Variants in MAP1LC3B observed in about 807,000 individuals in gnomAD.
The protein encoded by MAP1LC3B is microtubule associated protein 1 light chain 3 beta.
MAP1LC3B carries 12 observed loss-of-function variants against 16.7 expected under a neutral mutation model. That is an observed-to-expected ratio of 0.72 (90% CI 0.46 to 1.16). The LOEUF is 1.16. Among genes scored for constraint, MAP1LC3B ranks in the 50% most tolerant of loss-of-function variants. The pLI, the probability that MAP1LC3B is intolerant of heterozygous loss-of-function variation, is 0.00. For synonymous variants in MAP1LC3B, 63 were observed against 56.5 expected, an observed-to-expected ratio of 1.11 and a Z score of -0.51; for missense variants, 155 against 159.5, an observed-to-expected ratio of 0.97 and a Z score of 0.15.
chr16:87,400,479 T>G (rs557435171), intron 2 of MAP1LC3B, among the ~76,000 whole-genome samples: 1 of 152,200 alleles, frequency 6.6e-6, no homozygotes, highest in South Asian at 2.1e-4. Context: ...GCACCTGGCC[T>G]CAAATATTTG....
At chr16:87,393,579 G>A (rs1907686853) in intron 1 of MAP1LC3B, among the ~76,000 whole-genome samples, 1 of 152,136 alleles carries the variant, frequency 6.6e-6, no homozygotes, top group Admixed American at 6.5e-5. Flanking sequence ...ACCTTAGCTT[G>A]CCAAGCATAT....
At chr16:87,393,951 T>C (rs1312096892) in intron 1 of MAP1LC3B, among the ~76,000 whole-genome samples, 1 of 152,166 alleles carries the variant, frequency 6.6e-6, no homozygotes, top group Non-Finnish European at 1.5e-5. Context: ...AAACTATAGT[T>C]ATTTTCTTTT....
chr16:87,392,480 G>T lies in MAP1LC3B; in HGVS notation c.40+13G>T. 7.6e-7 allele frequency: 1 copy of T among 1,312,706 alleles called. No individual in the cohort carries two copies. The highest frequency in any genetic ancestry group is 9.7e-7 in the Non-Finnish European group (1 of 1,035,822). 81.3% of individuals were successfully genotyped at this position (1,312,706 alleles called of 1,614,324 possible). On this transcript the variant is annotated intron_variant, in intron 1 of 3. Coordinates refer to ENST00000268607, the MANE Select transcript of MAP1LC3B (RefSeq NM_022818.5). ...CGCCGCACCTTCGGTGAGTGTCGCCGCGAGGGCGGCGGGTGCGGCGGGGCC... is the reference window on the plus strand; with the variant it reads ...CGCCGCACCTTCGGTGAGTGTCGCCTCGAGGGCGGCGGGTGCGGCGGGGCC...
In MAP1LC3B at chr16:87,404,382, A is replaced by G. The variant is rs1015154342; in HGVS notation, c.*1285A>G. On this transcript the variant is annotated 3_prime_UTR_variant, in exon 4 of 4. Coordinates refer to ENST00000268607, the MANE Select transcript of MAP1LC3B (RefSeq NM_022818.5). ...CCTTGTGTGTTTAGATGTGTATGAA[A>G]TACCTGTATACGTTAGTGAAAGCTG... The G allele has an allele frequency of 6.6e-6, 1 of 152,128 alleles. No homozygotes were observed. Among genetic ancestry groups the G allele is most frequent in the African/African-American group, 2.4e-5 (1 of 41,386 alleles). The allele number at this position is 152,128 out of a possible 1,614,324, so 9.4% of individuals were successfully genotyped here.
intron 3 of MAP1LC3B, 98 bp from the exon 4 acceptor site, chr16:87,402,825 T>G (rs965107144): frequency 2.8e-6 from 4 of 1,406,478 alleles, no homozygotes; most frequent in Middle Eastern, 1.9e-4. Context: ...TTTAGAACAT[T>G]TTTATATTTT....
At position 87,404,766 on chromosome 16, in the gene MAP1LC3B, A is replaced by G. The variant is rs557649581; in HGVS notation, c.*1669A>G. On this transcript the variant is annotated 3_prime_UTR_variant, in exon 4 of 4. Coordinates refer to ENST00000268607, the MANE Select transcript of MAP1LC3B (RefSeq NM_022818.5). Reference sequence around the variant, plus strand: ...CTAAGTTGAATAAAGGCACAATTAAAAACTGTCATCAAAGCCCAGTTTAAT... The same window carrying G: ...CTAAGTTGAATAAAGGCACAATTAAGAACTGTCATCAAAGCCCAGTTTAAT... 1.1e-4 allele frequency: 16 copies of G among 152,370 alleles called. No individual in the cohort carries two copies. The highest frequency in any genetic ancestry group is 8.5e-4 in the Admixed American group (13 of 15,304). The allele number at this position is 152,370 out of a possible 1,614,324, so 9.4% of individuals were successfully genotyped here.
In MAP1LC3B at chr16:87,392,365, C is replaced by T. The variant is rs1314345922; in HGVS notation, c.-63C>T. ...TCGGATTCGCCGCCGCAGCAGCCGCCGCCCCCGGGAGCCGCCGGGACCCTC... is the reference window on the plus strand; with the variant it reads ...TCGGATTCGCCGCCGCAGCAGCCGCTGCCCCCGGGAGCCGCCGGGACCCTC... On this transcript the variant is annotated 5_prime_UTR_variant, in exon 1 of 4. Transcript: ENST00000268607. The T allele has an allele frequency of 1.4e-5, 19 of 1,367,424 alleles. No individual in the cohort carries two copies. Among genetic ancestry groups the T allele is most frequent in the South Asian group, 1.3e-4 (8 of 61,694 alleles). 84.7% of individuals were successfully genotyped at this position (1,367,424 alleles called of 1,614,324 possible). A position where few individuals can be genotyped will look rare whatever the true frequency, so the allele number is the denominator to read the frequency against.
chr16:87,402,458 T>C (rs1908029251), intron 3 of MAP1LC3B, 177 bp downstream of exon 3: 3 of 668,656 alleles, frequency 4.5e-6, no homozygotes, highest in African/African-American at 1.8e-5. Flanking sequence ...AAAATGTTTC[T>C]TTTTTTGAGG....
chr16:87,402,617 A>C (rs4843607), intron 3 of MAP1LC3B: 1 of 527,654 alleles, frequency 1.9e-6, no homozygotes, highest in Non-Finnish European at 3.3e-6. Flanking sequence ...GTGGCAGTAA[A>C]TGGCACAGGC....
chr16:87,393,685 C>T (rs1907691969), intron 1 of MAP1LC3B, among the ~76,000 whole-genome samples: 2 of 150,718 alleles, frequency 1.3e-5, no homozygotes. Flanking sequence ...TTAATGAACT[C>T]TTTACTGTAG....
chr16:87,399,716 A>AT (rs1567500482), intron 2 of MAP1LC3B: 2 of 390,296 alleles, frequency 5.1e-6, no homozygotes, highest in African/African-American at 4.3e-5. Flanking sequence ...CTAAAAAAAA[A>AT]CAAAATATTT....
chr16:87,393,697 G>T (rs1395481757), intron 1 of MAP1LC3B, among the ~76,000 whole-genome samples: 1 of 152,122 alleles, frequency 6.6e-6, no homozygotes, highest in South Asian at 2.1e-4. Context: ...TTACTGTAGT[G>T]TCTAGGCTTA....
At position 87,403,333 on chromosome 16, in the gene MAP1LC3B, T is replaced by C. The variant is rs1016231290; in HGVS notation, c.*236T>C. Reference sequence around the variant, plus strand: ...TAATGTAGGCTAGCTTGTTTTCAAATTTTAAAAGTTTAAAAATAAAATACT... The same window carrying C: ...TAATGTAGGCTAGCTTGTTTTCAAACTTTAAAAGTTTAAAAATAAAATACT... On this transcript the variant is annotated 3_prime_UTR_variant, in exon 4 of 4. Transcript: ENST00000268607. 1 of 362,328 alleles carries C rather than the reference T, an allele frequency of 2.8e-6. No individual in the cohort carries two copies. Among genetic ancestry groups the C allele is most frequent in the Non-Finnish European group, 5.2e-6 (1 of 193,680 alleles). The allele number at this position is 362,328 out of a possible 1,614,324, so 22.4% of individuals were successfully genotyped here. A position where few individuals can be genotyped will look rare whatever the true frequency, so the allele number is the denominator to read the frequency against.
Position 87,398,834 on chromosome 16 carries a change from C to T in MAP1LC3B, c.60C>T (p.Val20=). Residue 20 remains valine (V), a synonymous_variant, in exon 2 of 4, where the codon GTC becomes GTT. Transcript: ENST00000268607. The part of the protein sequence containing the change: ...RRTFEQRVED[V]RLIREQHPTK... The stretch of plus-strand genomic sequence containing the variant: ...TTGCAGAACAAAGAGTAGAAGATGT[C>T]CGACTTATTCGAGAGCAGCATCCAA... 4 of 1,614,130 alleles carry T rather than the reference C, an allele frequency of 2.5e-6. No individual in the cohort carries two copies. The highest frequency in any genetic ancestry group is 3.4e-6 in the Non-Finnish European group (4 of 1,179,984).
intron 1 of MAP1LC3B, among the ~76,000 whole-genome samples, chr16:87,394,089 C>A (rs1172072683): frequency 6.6e-6 from 1 of 152,066 alleles, no homozygotes; most frequent in East Asian, 1.9e-4. Context: ...TGAGGGTAGA[C>A]CAGCAATAAT....
chr16:87,393,586 A>G lies in MAP1LC3B; in HGVS notation c.40+1119A>G, dbSNP rs150277084. Among the ~76,000 whole-genome samples, 4 of 152,332 alleles carry G rather than the reference A, an allele frequency of 2.6e-5. No individual in the cohort carries two copies. In the East Asian group the frequency reaches 7.7e-4, roughly 29 times the overall value. On this transcript the variant is annotated intron_variant, in intron 1 of 3. Coordinates refer to ENST00000268607, the MANE Select transcript of MAP1LC3B (RefSeq NM_022818.5). ...TAAAATGGACCTTAGCTTGCCAAGC[A>G]TATCTTTTCAGACAGCCTCTTGAGG...
At chr16:87,399,052 C>CTGGA in intron 2 of MAP1LC3B, 182 bp downstream of exon 2, 1 of 595,026 alleles carries the variant, frequency 1.7e-6, no homozygotes, top group South Asian at 1.9e-5. Context: ...CTTTCCCAGG[C>CTGGA]TGGAGTGCAG....
intron 2 of MAP1LC3B, 109 bp downstream of exon 2, chr16:87,398,979 C>G (rs540182903): frequency 1.1e-6 from 1 of 919,804 alleles, no homozygotes; most frequent in South Asian, 1.4e-5. Context: ...CAGCCAAACC[C>G]TGGGTGTCAG....
intron 2 of MAP1LC3B, chr16:87,399,783 A>T: frequency 3.3e-6 from 1 of 306,156 alleles, no homozygotes; most frequent in East Asian, 8.9e-5. Context: ...TTATTTATTT[A>T]TTTATTTTGA....
Sources: allele counts gnomAD v4.1 joint callset (sites outside exome capture counted in the v4.1 genomes callset), GRCh38; gene constraint gnomAD v4.1.1; transcripts MANE v1.5; gene names NCBI Gene and HGNC (gene_info 2026-07-23, HGNC 2026-07-21).